The following JADE1 variants were observed in gnomAD, a reference collection of about 807,000 sequenced individuals.
The protein encoded by JADE1 is jade family PHD finger 1, also known as protein Jade-1.
A neutral mutation model predicts 81.8 loss-of-function variants in JADE1; 14 were observed. That is an observed-to-expected ratio of 0.17 (90% confidence interval 0.11 to 0.27). JADE1 has a LOEUF of 0.27. JADE1 is among the 10% of genes least tolerant of loss of function. The pLI, the probability that JADE1 is intolerant of heterozygous loss-of-function variation, is 1.00. For missense variants in JADE1, 690 were observed against 1,047.9 expected (o/e 0.66, Z 4.71); for synonymous variants, 353 against 391.9 (o/e 0.90, Z 1.17).
At chr4:128,813,565 C>T (rs1229202278) in intron 1 of JADE1, among the ~76,000 whole-genome samples, 2 of 151,950 alleles carry the variant, frequency 1.3e-5, no homozygotes, top group Admixed American at 6.6e-5. Context: ...ACTACAGGCG[C>T]GTGCCACCAC....
chr4:128,840,669 C>T (rs1007110963), intron 2 of JADE1, among the ~76,000 whole-genome samples: 4 of 152,184 alleles, frequency 2.6e-5, no homozygotes, highest in Admixed American at 6.5e-5. Context: ...CCTAACTTGG[C>T]GTCTGTCTTC....
intron 6 of JADE1, among the ~76,000 whole-genome samples, chr4:128,853,244 C>T (rs1730519194): frequency 6.6e-6 from 1 of 152,184 alleles, no homozygotes; most frequent in Admixed American, 6.5e-5. Context: ...TCAGAGTGAG[C>T]TCATCTTAAA....
intron 8 of JADE1, among the ~76,000 whole-genome samples, chr4:128,858,555 C>T (rs1286711706): frequency 2.6e-5 from 4 of 151,390 alleles, no homozygotes; most frequent in Non-Finnish European, 4.4e-5. Context: ...TTGGCAAAGT[C>T]GGTTTGTATT....
At chr4:128,851,175 C>T (rs1457707531) in intron 5 of JADE1, among the ~76,000 whole-genome samples, 3 of 152,218 alleles carry the variant, frequency 2.0e-5, no homozygotes, top group African/African-American at 7.2e-5. Flanking sequence ...AAATGATCTA[C>T]CTGCAAAGTA....
intron 9 of JADE1, among the ~76,000 whole-genome samples, chr4:128,867,117 C>T (rs763879375): frequency 3.4e-4 from 51 of 152,138 alleles, no homozygotes; most frequent in Admixed American, 1.3e-3. Flanking sequence ...ACAAGCGAAT[C>T]GGGAGAGGGC....
rs543730040 is a variant in JADE1, at chr4:128,859,341, G to A, written c.981+1887G>A. ...TTATGCATATGTATGCTGTATGCATGTATGCGTATTTGAGTATGCGTGTGT... is the reference window on the plus strand; with the variant it reads ...TTATGCATATGTATGCTGTATGCATATATGCGTATTTGAGTATGCGTGTGT... On this transcript the variant is annotated intron_variant, in intron 8 of 10. Coordinates refer to ENST00000226319, the MANE Select transcript of JADE1 (RefSeq NM_199320.4). Among the ~76,000 whole-genome samples, 5 of 152,152 alleles carry A rather than the reference G, an allele frequency of 3.3e-5. No homozygotes were observed. The South Asian group carries it at 8.3e-4, about 25-fold the overall frequency.
chr4:128,853,760 C>T (rs748346696), intron 6 of JADE1, among the ~76,000 whole-genome samples: 5 of 152,140 alleles, frequency 3.3e-5, no homozygotes, highest in African/African-American at 9.7e-5. Flanking sequence ...AGAAGAAGCA[C>T]GTTTGCTCCA....
At chr4:128,828,781 C>A (rs1162323537) in intron 1 of JADE1, among the ~76,000 whole-genome samples, 4 of 152,054 alleles carry the variant, frequency 2.6e-5, no homozygotes, top group Non-Finnish European at 5.9e-5. Context: ...CAAAAAGATT[C>A]TTAAAAGCTA....
At chr4:128,826,922 A>C (rs1219552072) in intron 1 of JADE1, among the ~76,000 whole-genome samples, 1 of 152,218 alleles carries the variant, frequency 6.6e-6, no homozygotes, top group Non-Finnish European at 1.5e-5. Context: ...TGTTGAATCC[A>C]GTTGAAGCAA....
chr4:128,830,256 G>C (rs1728435025), intron 1 of JADE1, among the ~76,000 whole-genome samples: 1 of 144,852 alleles, frequency 6.9e-6, no homozygotes, highest in Non-Finnish European at 1.5e-5. Flanking sequence ...TGTGTATGTT[G>C]AGACAGGGTC....
intron 1 of JADE1, among the ~76,000 whole-genome samples, chr4:128,815,135 C>CGCCTCCCTGTAAGCTCT (rs1726895142): frequency 1.4e-5 from 2 of 144,160 alleles, no homozygotes; most frequent in East Asian, 1.9e-4. Flanking sequence ...CTGTAAGCTC[C>CGCCTCCCTGTAAGCTCT]GCCTCCCTGT....
chr4:128,855,846 T>G lies in JADE1; in HGVS notation c.864+49T>G. The G allele has an allele frequency of 2.0e-6, 3 of 1,511,064 alleles. No individual in the cohort carries two copies. The South Asian group carries it at 3.8e-5, about 19-fold the overall frequency. 93.6% of individuals were successfully genotyped at this position (1,511,064 alleles called of 1,614,324 possible). On this transcript the variant is annotated intron_variant, in intron 7 of 10. Transcript: ENST00000226319. ...GTTTTTACTTTTTTTTAAGACAGAG[T>G]TTAACTCTGTCGCCCAGGCTGGAGT...
intron 1 of JADE1, among the ~76,000 whole-genome samples, chr4:128,813,528 C>T (rs1403600211): frequency 4.0e-5 from 6 of 150,584 alleles, no homozygotes; most frequent in Admixed American, 6.7e-5. Flanking sequence ...AAGCGATTCT[C>T]CTGCCTCAGC....
intron 10 of JADE1, among the ~76,000 whole-genome samples, chr4:128,868,747 A>G (rs973832192): frequency 1.3e-5 from 2 of 152,150 alleles, no homozygotes; most frequent in Non-Finnish European, 2.9e-5. Flanking sequence ...TAAGCCCCCA[A>G]AAGTAGGTAG....
At chr4:128,831,475 A>C (rs1284613866) in intron 1 of JADE1, 2 of 472,712 alleles carry the variant, frequency 4.2e-6, no homozygotes, top group Non-Finnish European at 7.6e-6. Flanking sequence ...TGTCACAGGA[A>C]TATAGAAAGA....
chr4:128,858,236 T>C (rs1381624308), intron 8 of JADE1, among the ~76,000 whole-genome samples: 2 of 152,198 alleles, frequency 1.3e-5, no homozygotes, highest in Non-Finnish European at 2.9e-5. Context: ...GATGGCATGC[T>C]GTTTTTCATG....
chr4:128,837,249 A>G (rs1392856649), intron 2 of JADE1, among the ~76,000 whole-genome samples: 18 of 152,170 alleles, frequency 1.2e-4, no homozygotes, highest in Non-Finnish European at 7.3e-5. Context: ...GTGATAAGGA[A>G]TGGGCAGAAA....
chr4:128,858,375 C>T (rs17013841), intron 8 of JADE1, among the ~76,000 whole-genome samples: 3,343 of 152,012 alleles, frequency 0.022, 104 homozygotes, highest in African/African-American at 0.072. Flanking sequence ...TGGATCTTCT[C>T]GGATGTACTA....
chr4:128,843,826 A>G (rs559792799), intron 3 of JADE1, among the ~76,000 whole-genome samples: 1 of 152,222 alleles, frequency 6.6e-6, no homozygotes, highest in African/African-American at 2.4e-5. Context: ...GCATAGGCAG[A>G]TATTCCTTGG....
Sources: allele counts gnomAD v4.1 joint callset (sites outside exome capture counted in the v4.1 genomes callset), GRCh38; gene constraint gnomAD v4.1.1; transcripts MANE v1.5; gene names NCBI Gene and HGNC (gene_info 2026-07-23, HGNC 2026-07-21).